EPSTI1: variants seen among roughly 807,000 people sequenced by gnomAD.
EPSTI1 encodes the protein epithelial-stromal interaction protein 1.
In EPSTI1, 66 loss-of-function variants were observed where a neutral mutation model predicts 49.9. The ratio of observed to expected loss-of-function variants is 1.32; its 90% CI spans 1.08 to 1.62. The LOEUF is 1.62. Among genes scored for constraint, EPSTI1 ranks in the 40% most tolerant of loss-of-function variants. The pLI is 0.00. For synonymous variants in EPSTI1, 137 were observed against 130.7 expected, an observed-to-expected ratio of 1.05 and a Z score of -0.33; for missense variants, 394 against 365.5, an observed-to-expected ratio of 1.08 and a Z score of -0.64.
intron 1 of EPSTI1, among the ~76,000 whole-genome samples, chr13:42,982,093 C>G (rs2039996569): frequency 6.6e-6 from 1 of 152,306 alleles, no homozygotes; most frequent in East Asian, 1.9e-4. Context: ...GCTGCATTCC[C>G]AGACAGTTAA....
At chr13:42,978,566 G>A (rs1354748811) in intron 1 of EPSTI1, among the ~76,000 whole-genome samples, 4 of 152,016 alleles carry the variant, frequency 2.6e-5, no homozygotes, top group Admixed American at 6.6e-5. Context: ...AGTGATTTGG[G>A]GACCCCAGGA....
At chr13:42,968,526 A>T (rs979106039) in intron 3 of EPSTI1, among the ~76,000 whole-genome samples, 29 of 152,298 alleles carry the variant, frequency 1.9e-4, no homozygotes, top group African/African-American at 7.0e-4. Flanking sequence ...TGAATGATTC[A>T]AACACCGGCA....
In EPSTI1 at chr13:42,988,988, G is replaced by A. The variant is rs374307309; in HGVS notation, c.188+2990C>T. On this transcript the variant is annotated intron_variant, in intron 1 of 10. Coordinates refer to ENST00000313624, the MANE Select transcript of EPSTI1 (RefSeq NM_033255.5). ...CTATCCTCCTGCCTCAGCCTCTTGA[G>A]TAGCTGGGACAGAGGTATGTGCCAC... is the stretch of plus-strand genomic sequence containing the variant. Among the ~76,000 whole-genome samples, 10 of 150,652 alleles carry A rather than the reference G, an allele frequency of 6.6e-5. No homozygotes were observed. The East Asian group carries it at 1.6e-3, about 24-fold the overall frequency.
At chr13:42,918,213 C>A (rs9567068) in intron 7 of EPSTI1, among the ~76,000 whole-genome samples, 125,503 of 152,176 alleles carry the variant, frequency 0.82, 53,254 homozygotes, top group Non-Finnish European at 0.92. Flanking sequence ...AAGCCTTTGG[C>A]AAGCCAGCAC....
chr13:42,951,196 T>C (rs2039085765), intron 6 of EPSTI1, among the ~76,000 whole-genome samples: 1 of 152,094 alleles, frequency 6.6e-6, no homozygotes, highest in Non-Finnish European at 1.5e-5. Flanking sequence ...TTCCTAGACA[T>C]TTTTTCCACC....
In EPSTI1 at chr13:42,922,984, C is replaced by T. The variant is rs1004353577; in HGVS notation, c.657+3352G>A. On this transcript the variant is annotated intron_variant, in intron 7 of 10. Coordinates refer to ENST00000313624, the MANE Select transcript of EPSTI1 (RefSeq NM_033255.5). The surrounding 1 kb of genome is among the most constrained non-coding windows in gnomAD (Gnocchi z 4.8). ...TTTCAAAAGCTTTGCTTCCCCTTAC[C>T]TTGCTTGCAAAAGCTTTGCTTCCCC... 6.6e-6 allele frequency among the ~76,000 whole-genome samples: 1 copy of T among 152,112 alleles called. No homozygotes were observed. The highest frequency in any genetic ancestry group is 1.5e-5 in the Non-Finnish European group (1 of 68,018).
At chr13:42,970,503 A>C in intron 2 of EPSTI1, 109 bp downstream of exon 2, 1 of 888,204 alleles carries the variant, frequency 1.1e-6, no homozygotes, top group Admixed American at 2.9e-5. Flanking sequence ...AACCTTGATG[A>C]GATTTGGTGA....
chr13:42,937,677 C>T (rs2038610706), intron 6 of EPSTI1, among the ~76,000 whole-genome samples: 1 of 152,182 alleles, frequency 6.6e-6, no homozygotes, highest in Admixed American at 6.5e-5. Context: ...CATCTTCAGG[C>T]TCCACTTCTA....
In EPSTI1 at chr13:42,971,572, G is replaced by A. The variant is rs1016499620; in HGVS notation, c.189-902C>T. Among the ~76,000 whole-genome samples, 128 of 151,944 alleles carry A rather than the reference G, an allele frequency of 8.4e-4. 5 individuals are homozygous for A. The highest frequency in any genetic ancestry group is 8.3e-3 in the Admixed American group (126 of 15,222). On this transcript the variant is annotated intron_variant, in intron 1 of 10. Transcript: ENST00000313624. ...TAGGTACAGTTTTAAGAGAAATGCTGTGGATAAACACAACCAGCTTCTAAC... is the reference window on the plus strand; with the variant it reads ...TAGGTACAGTTTTAAGAGAAATGCTATGGATAAACACAACCAGCTTCTAAC...
intron 6 of EPSTI1, among the ~76,000 whole-genome samples, chr13:42,946,431 C>G (rs2038919393): frequency 6.6e-6 from 1 of 152,088 alleles, no homozygotes; most frequent in Admixed American, 6.6e-5. Context: ...CCCCTAGAAA[C>G]AATGTTGGAA....
At chr13:42,953,833 T>C (rs1342900272) in intron 6 of EPSTI1, 115 bp downstream of exon 6, 2 of 755,170 alleles carry the variant, frequency 2.6e-6, no homozygotes, top group Non-Finnish European at 4.2e-6. Context: ...ACATAATTAA[T>C]ACAACAGCCA....
chr13:42,901,638 A>G (rs2037355407), intron 8 of EPSTI1, among the ~76,000 whole-genome samples: 1 of 152,234 alleles, frequency 6.6e-6, no homozygotes, highest in African/African-American at 2.4e-5. Flanking sequence ...TATTAGTACT[A>G]CCAAGTATAC....
At chr13:42,951,618 C>T (rs2039099646) in intron 6 of EPSTI1, among the ~76,000 whole-genome samples, 1 of 152,306 alleles carries the variant, frequency 6.6e-6, no homozygotes, top group East Asian at 1.9e-4. Context: ...TTTAGTAAAA[C>T]ACAAACTCAA....
At position 42,969,159 on chromosome 13, in the gene EPSTI1, G is replaced by C. The variant is rs377728805; in HGVS notation, c.266C>G (p.Ala89Gly). Residue 89 changes from alanine (A) to glycine (G), a missense_variant, in exon 3 of 11, where the codon GCC becomes GGC. Ala to Gly is a moderately conservative substitution (Grantham distance 60). Transcript: ENST00000313624. ...CTGCTCCTTCCACTTCTCCAGGTTG[G>C]CCAGCTCCTGCTCCGCAACTAAGCC... ...EIQRIAEQEL[A>G]NLEKWKEQNR... 85 of 1,613,982 alleles carry C rather than the reference G, an allele frequency of 5.3e-5. No individual in the cohort carries two copies. The East Asian group carries it at 1.1e-3, about 21-fold the overall frequency.
In EPSTI1 at chr13:42,969,099, C is replaced by G. The variant is rs768077727; in HGVS notation, c.326G>C (p.Arg109Pro). The change falls in exon 3 of 11, where the codon CGG becomes CCG. Residue 109 changes from arginine (R) to proline (P), a missense_variant. Coordinates refer to ENST00000313624, the MANE Select transcript of EPSTI1 (RefSeq NM_033255.5). ...RAKPVHLVPR[R>P]LGGSQSETEV... Reference sequence around the variant, plus strand: ...CAGCGGCTGTGCTTGCTTACCTAGCCGTCTGGGCACCAGGTGAACCGGTTT... The same window carrying G: ...CAGCGGCTGTGCTTGCTTACCTAGCGGTCTGGGCACCAGGTGAACCGGTTT... The G allele has an allele frequency of 1.2e-6, 2 of 1,614,148 alleles. No homozygotes were observed. The highest frequency in any genetic ancestry group is 1.7e-6 in the Non-Finnish European group (2 of 1,180,036).
chr13:42,924,074 C>T (rs2038098653), intron 7 of EPSTI1, among the ~76,000 whole-genome samples: 1 of 152,188 alleles, frequency 6.6e-6, no homozygotes, highest in Admixed American at 6.5e-5. Flanking sequence ...ATGTTCTTCA[C>T]AGAAGTGCAA....
chr13:42,923,077 G>A (rs1315185265), intron 7 of EPSTI1, among the ~76,000 whole-genome samples: 1 of 152,180 alleles, frequency 6.6e-6, no homozygotes, highest in African/African-American at 2.4e-5. Context: ...GACTAGAAAG[G>A]GGCCATTCTA....
At chr13:42,910,551 G>A (rs2037639979) in intron 8 of EPSTI1, among the ~76,000 whole-genome samples, 1 of 152,016 alleles carries the variant, frequency 6.6e-6, no homozygotes, top group Admixed American at 6.6e-5. Context: ...ACCGCGCCTG[G>A]TCCAACTCTC....
intron 6 of EPSTI1, among the ~76,000 whole-genome samples, chr13:42,946,598 C>T (rs2038925506): frequency 1.3e-5 from 2 of 152,172 alleles, no homozygotes. Context: ...CCTCTCTTTA[C>T]TTTTGCCTAT....
Sources: gnomAD v4.1 joint callset for allele counts (sites outside exome capture counted in the v4.1 genomes callset) on GRCh38, gnomAD v4.1.1 for gene constraint, Gnocchi (gnomAD v3.1) non-coding constraint, MANE v1.5 for transcripts, NCBI Gene and HGNC (gene_info 2026-07-23, HGNC 2026-07-21) for gene names.